Variants in LCLAT1 observed in about 807,000 individuals in gnomAD.
The protein encoded by LCLAT1 is lysocardiolipin acyltransferase 1, also known as 1-AGP acyltransferase 8.
Under a neutral mutation model 30.7 loss-of-function variants are expected in LCLAT1, and 11 were observed. The observed-to-expected ratio is 0.36, with a 90% CI of 0.23 to 0.59. The LOEUF (loss-of-function observed/expected upper bound fraction) is 0.59. LCLAT1 is among the 20% of genes least tolerant of loss of function. The probability of loss-of-function intolerance (pLI) is 0.77; values close to 1 mark genes in which losing one functional copy is unlikely to be tolerated. For missense variants in LCLAT1, 402 were observed against 458.6 expected, an observed-to-expected ratio of 0.88 and a Z score of 1.13; for synonymous variants, 155 against 151.3, an observed-to-expected ratio of 1.02 and a Z score of -0.18.
intron 1 of LCLAT1, among the ~76,000 whole-genome samples, chr2:30,495,556 A>AAAG (rs1199581718): frequency 1.3e-5 from 2 of 152,246 alleles, no homozygotes; most frequent in African/African-American, 4.8e-5. Flanking sequence ...AGATTAAAAA[A>AAAG]AAGAAGAAGA....
intron 1 of LCLAT1, among the ~76,000 whole-genome samples, chr2:30,449,184 A>G (rs530926641): frequency 3.3e-5 from 5 of 152,344 alleles, no homozygotes; most frequent in Admixed American, 3.3e-4. Context: ...TACTACCACC[A>G]TGCCTACTAT....
chr2:30,595,212 T>G (rs1316508843), intron 5 of LCLAT1, among the ~76,000 whole-genome samples: 1 of 152,162 alleles, frequency 6.6e-6, no homozygotes, highest in African/African-American at 2.4e-5. Flanking sequence ...CTCTGTAATA[T>G]GTTATTACTG....
chr2:30,513,131 A>G lies in LCLAT1; in HGVS notation c.-4-12456A>G, dbSNP rs144813004. On this transcript the variant is annotated intron_variant, in intron 1 of 5. Coordinates refer to ENST00000379509, the MANE Select transcript of LCLAT1 (RefSeq NM_001002257.3). ...GTTTTTCTAATGAGATAGAAGGAAA[A>G]TGGTACTTTAATTTATATTTTACTG... is the stretch of plus-strand genomic sequence containing the variant. 1.3e-4 allele frequency among the ~76,000 whole-genome samples: 20 copies of G among 152,184 alleles called. 1 individual carries two copies. The South Asian group carries it at 2.5e-3, about 19-fold the overall frequency.
chr2:30,461,788 T>TTTTTTTTTTTTTTTTTTTTTTTGTTG, intron 1 of LCLAT1, among the ~76,000 whole-genome samples: 1 of 147,022 alleles, frequency 6.8e-6, no homozygotes, highest in East Asian at 2.0e-4. Context: ...TTTTTTTTTT[T>TTTTTTTTTTTTTTTTTTTTTTTGTTG]GAGACGGAGT....
At chr2:30,533,095 A>G in intron 2 of LCLAT1, 21 bp from the exon 3 acceptor site, 1 of 1,536,720 alleles carries the variant, frequency 6.5e-7, no homozygotes, top group South Asian at 1.1e-5. Context: ...AATTTGCTGT[A>G]TATCTGTATT....
chr2:30,537,632 A>G (rs1193997529), intron 3 of LCLAT1, among the ~76,000 whole-genome samples: 2 of 152,164 alleles, frequency 1.3e-5, no homozygotes, highest in African/African-American at 4.8e-5. Context: ...ATATAGTAAT[A>G]GTTGAGGACT....
chr2:30,597,285 T>A (rs947317557), intron 5 of LCLAT1, among the ~76,000 whole-genome samples: 1 of 151,908 alleles, frequency 6.6e-6, no homozygotes, highest in Non-Finnish European at 1.5e-5. Context: ...GCATGGAGTG[T>A]TTTTCCATTT....
Position 30,590,593 on chromosome 2 carries a change from C to T in LCLAT1, c.628+22417C>T, listed in dbSNP as rs192222191. On this transcript the variant is annotated intron_variant, in intron 5 of 5. Transcript: ENST00000379509. ...TGAGGCATGGCTTTTACAGGGAGGA[C>T]GGAAATGAAGAAGCAAATTACATAT... Among the ~76,000 whole-genome samples the T allele has an allele frequency of 1.2e-4, 18 of 149,432 alleles. No individual in the cohort carries two copies. In the South Asian group the frequency reaches 1.9e-3, roughly 16 times the overall value.
intron 1 of LCLAT1, among the ~76,000 whole-genome samples, chr2:30,471,371 G>A (rs1212656762): frequency 2.0e-5 from 3 of 151,804 alleles, no homozygotes; most frequent in Admixed American, 2.0e-4. Context: ...CACCACACCT[G>A]ACTAGTTTTT....
chr2:30,576,829 T>C (rs911948343), intron 5 of LCLAT1, among the ~76,000 whole-genome samples: 1 of 152,050 alleles, frequency 6.6e-6, no homozygotes, highest in Non-Finnish European at 1.5e-5. Flanking sequence ...TCTGCATTTT[T>C]CTAATTATTA....
intron 1 of LCLAT1, among the ~76,000 whole-genome samples, chr2:30,477,521 G>C (rs1683108910): frequency 1.3e-5 from 2 of 152,194 alleles, no homozygotes; most frequent in Admixed American, 1.3e-4. Context: ...CAAAGTATCT[G>C]TATATAGCCT....
chr2:30,565,068 A>T (rs1320551878), intron 4 of LCLAT1, among the ~76,000 whole-genome samples: 1 of 152,086 alleles, frequency 6.6e-6, no homozygotes, highest in Non-Finnish European at 1.5e-5. Context: ...TGTCTTCGTT[A>T]TTCTTGGGTT....
At chr2:30,522,163 G>A (rs973811730) in intron 1 of LCLAT1, among the ~76,000 whole-genome samples, 5 of 152,120 alleles carry the variant, frequency 3.3e-5, no homozygotes, top group Non-Finnish European at 7.4e-5. Context: ...GAATAATTAC[G>A]TATAGGTTTT....
chr2:30,456,311 G>A (rs962854787), intron 1 of LCLAT1, among the ~76,000 whole-genome samples: 2 of 152,182 alleles, frequency 1.3e-5, no homozygotes, highest in Admixed American at 6.5e-5. Context: ...CTGATACCAC[G>A]CCAGTGGGGA....
chr2:30,629,270 C>T (rs149947286), intron 5 of LCLAT1, among the ~76,000 whole-genome samples: 1 of 152,190 alleles, frequency 6.6e-6, no homozygotes, highest in East Asian at 1.9e-4. Flanking sequence ...CATAAAAATA[C>T]AAAATGAGGC....
At chr2:30,531,269 G>GA (rs919435022) in intron 2 of LCLAT1, among the ~76,000 whole-genome samples, 2 of 151,324 alleles carry the variant, frequency 1.3e-5, no homozygotes, top group Non-Finnish European at 3.0e-5. Context: ...CGTCTCAAAA[G>GA]AAAAAAAAGA....
intron 5 of LCLAT1, among the ~76,000 whole-genome samples, chr2:30,615,237 TAGA>T (rs951166286): frequency 1.4e-4 from 21 of 152,024 alleles, no homozygotes; most frequent in Non-Finnish European, 2.6e-4. Flanking sequence ...GCAGGTGAGA[TAGA>T]AGACATAGGT....
At chr2:30,594,404 T>A (rs1666834787) in intron 5 of LCLAT1, among the ~76,000 whole-genome samples, 1 of 152,222 alleles carries the variant, frequency 6.6e-6, no homozygotes, top group Admixed American at 6.5e-5. Context: ...CTACTTCCTT[T>A]ATCAAGTATC....
chr2:30,587,041 G>A (rs1666475828), intron 5 of LCLAT1, among the ~76,000 whole-genome samples: 1 of 152,028 alleles, frequency 6.6e-6, no homozygotes, highest in African/African-American at 2.4e-5. Flanking sequence ...CTTAGATTCC[G>A]CTAAACCTGA....
Sources: gnomAD v4.1 joint callset for allele counts (sites outside exome capture counted in the v4.1 genomes callset) on GRCh38, gnomAD v4.1.1 for gene constraint, MANE v1.5 for transcripts, NCBI Gene and HGNC (gene_info 2026-07-23, HGNC 2026-07-21) for gene names.